The following MYO18B variants were observed in gnomAD, a reference collection of about 807,000 sequenced individuals.
MYO18B encodes the protein unconventional myosin-XVIIIb.
In MYO18B, 204 loss-of-function variants were observed where a neutral mutation model predicts 273.0. That is an observed-to-expected ratio of 0.75 (90% CI 0.67 to 0.84). The LOEUF is 0.84. Ranked by LOEUF, MYO18B falls within the 40% of genes least tolerant of loss-of-function variation. The probability of loss-of-function intolerance (pLI) is 0.00; values close to 1 mark genes in which losing one functional copy is unlikely to be tolerated. For synonymous variants in MYO18B, 1,330 were observed against 1,305.7 expected, an observed-to-expected ratio of 1.02 and a Z score of -0.40; for missense variants, 3,212 against 3,287.6, an observed-to-expected ratio of 0.98 and a Z score of 0.56.
rs2086390905 is a variant in MYO18B at position 25,763,266 on chromosome 22, G to GC, written c.80dup (p.Pro28SerfsTer12). On this transcript the variant is annotated frameshift_variant, in exon 3 of 44. Coordinates refer to ENST00000335473, the MANE Select transcript of MYO18B (RefSeq NM_032608.7). LOFTEE classifies it high-confidence loss of function. ...AGGACAAGAGCCCTCCACCATCCTC[G>GC]CCCCCTCCTCTTTTCTCTGTCATCC... The GC allele has an allele frequency of 6.2e-7, 1 of 1,611,000 alleles. No homozygotes were observed. The highest frequency in any genetic ancestry group is 1.3e-5 in the African/African-American group (1 of 74,606).
At chr22:25,839,401 G>T (rs2090016761) in intron 17 of MYO18B, among the ~76,000 whole-genome samples, 1 of 152,134 alleles carries the variant, frequency 6.6e-6, no homozygotes, top group African/African-American at 2.4e-5. Context: ...ACTTAATCCT[G>T]GCAATGATGG....
intron 32 of MYO18B, among the ~76,000 whole-genome samples, chr22:25,909,802 A>G (rs895452359): frequency 5.9e-5 from 9 of 152,334 alleles, no homozygotes; most frequent in Middle Eastern, 3.4e-3. Context: ...TTGGCAGGAA[A>G]TCAATAGTTA....
chr22:25,921,454 CT>C, intron 34 of MYO18B, 45 bp downstream of exon 34: 1 of 1,569,740 alleles, frequency 6.4e-7, no homozygotes, highest in Admixed American at 1.8e-5. Flanking sequence ...GGGGAGGATG[CT>C]ACGACCTGCA....
intron 18 of MYO18B, 23 bp from the exon 19 acceptor site, chr22:25,846,077 C>G: frequency 6.7e-7 from 1 of 1,499,072 alleles, no homozygotes; most frequent in Non-Finnish European, 8.9e-7. Context: ...AAGCTCCTCT[C>G]TCTTTTCCCT....
chr22:26,062,025 T>C, the MYO18B span, among the ~76,000 whole-genome samples: 1 of 152,212 alleles, frequency 6.6e-6, no homozygotes, highest in Non-Finnish European at 1.5e-5. Context: ...TCAAAACTAA[T>C]TTGAGCATGG....
At chr22:25,817,389 CCCTCCCTT>C (rs1424723838) in intron 12 of MYO18B, among the ~76,000 whole-genome samples, 13 of 123,394 alleles carry the variant, frequency 1.1e-4, no homozygotes, top group Admixed American at 1.6e-4. Context: ...CTCCCTCCCT[CCCTCCCTT>C]CCTTCCTTCC....
intron 15 of MYO18B, 43 bp downstream of exon 15, chr22:25,829,011 A>G (rs1282825486): frequency 5.0e-6 from 8 of 1,597,394 alleles, no homozygotes; most frequent in Non-Finnish European, 3.4e-6. Flanking sequence ...AGCTCCGTGG[A>G]TGGTGTAAGG....
chr22:25,921,434 G>A, intron 34 of MYO18B, 25 bp downstream of exon 34: 1 of 1,591,848 alleles, frequency 6.3e-7, no homozygotes. Flanking sequence ...ATCCCCTTGA[G>A]AATCAGGCTG....
intron 11 of MYO18B, among the ~76,000 whole-genome samples, chr22:25,789,757 C>G (rs9613022): frequency 0.92 from 140,168 of 152,158 alleles, 65,228 homozygotes; most frequent in Non-Finnish European, 0.99. Context: ...AAGCGCCATT[C>G]ACCTCACCAC....
At chr22:25,745,472 GACACACACAC>G (rs3068433) in intron 1 of MYO18B, among the ~76,000 whole-genome samples, 2 of 146,026 alleles carry the variant, frequency 1.4e-5, no homozygotes, top group Admixed American at 6.8e-5. Context: ...CTCTCTCTCT[GACACACACAC>G]ACACACACAC....
At chr22:25,771,267 G>C (rs542877572) in intron 6 of MYO18B, among the ~76,000 whole-genome samples, 2 of 152,300 alleles carry the variant, frequency 1.3e-5, no homozygotes, top group East Asian at 3.9e-4. Flanking sequence ...GAGTTCTTCT[G>C]ATGGACCCAA....
At chr22:25,793,805 C>A (rs2087782093) in intron 11 of MYO18B, among the ~76,000 whole-genome samples, 1 of 152,138 alleles carries the variant, frequency 6.6e-6, no homozygotes, top group Admixed American at 6.5e-5. Flanking sequence ...TCAGACAAAC[C>A]CTGGGCATCT....
At chr22:26,003,172 G>A (rs1934119021) in intron 40 of MYO18B, 93 bp from the exon 41 acceptor site, 14 of 1,144,858 alleles carry the variant, frequency 1.2e-5, no homozygotes, top group Non-Finnish European at 1.8e-5. Flanking sequence ...TTGGAAGTGG[G>A]ATTCACACTC....
downstream of MYO18B, chr22:26,031,136 C>T (rs1450733937): frequency 2.6e-5 from 10 of 390,206 alleles, no homozygotes; most frequent in South Asian, 2.9e-4. Context: ...TTTACCAAGG[C>T]GAAGCTAGCA....
chr22:25,745,271 G>A (rs956917053), intron 1 of MYO18B, among the ~76,000 whole-genome samples: 4 of 151,956 alleles, frequency 2.6e-5, no homozygotes, highest in South Asian at 4.2e-4. Flanking sequence ...CACCACGCCC[G>A]GCTAATTTTT....
At chr22:25,913,062 C>T (rs1372834968) in intron 33 of MYO18B, among the ~76,000 whole-genome samples, 1 of 152,188 alleles carries the variant, frequency 6.6e-6, no homozygotes, top group Non-Finnish European at 1.5e-5. Flanking sequence ...AGTCTCGTAT[C>T]TGCCTCACTG....
intron 12 of MYO18B, among the ~76,000 whole-genome samples, chr22:25,805,857 A>G (rs1335826569): frequency 6.6e-6 from 1 of 152,040 alleles, no homozygotes; most frequent in Non-Finnish European, 1.5e-5. Flanking sequence ...TCAACCCCTC[A>G]GCTCTTGATT....
At chr22:25,762,375 T>C (rs2086353007) in intron 2 of MYO18B, among the ~76,000 whole-genome samples, 2 of 152,248 alleles carry the variant, frequency 1.3e-5, no homozygotes, top group Admixed American at 6.5e-5. Flanking sequence ...AAGGAGGCTA[T>C]TTTAGACCAG....
At position 25,823,785 on chromosome 22, in the gene MYO18B, A is replaced by G. The variant is rs1363595876; in HGVS notation, c.2695+107A>G. ...TTTATCAAAGATTTGTTAAGGGCCT[A>G]TGCTATGAAGGCGTGTGTTAGATGC... is the stretch of plus-strand genomic sequence containing the variant. On this transcript the variant is annotated intron_variant, in intron 13 of 43. Transcript: ENST00000335473. 20 of 1,239,740 alleles carry G rather than the reference A, an allele frequency of 1.6e-5. 1 individual carries two copies. The Admixed American group carries it at 3.6e-4, about 22-fold the overall frequency. The allele number at this position is 1,239,740 out of a possible 1,614,324, so 76.8% of individuals were successfully genotyped here.
Sources: gnomAD v4.1 joint callset for allele counts (sites outside exome capture counted in the v4.1 genomes callset) on GRCh38, gnomAD v4.1.1 for gene constraint, MANE v1.5 for transcripts, NCBI Gene and HGNC (gene_info 2026-07-23, HGNC 2026-07-21) for gene names.